Variants in FIBCD1 observed in about 807,000 individuals in gnomAD.
FIBCD1 encodes fibrinogen C domain-containing protein 1.
Under a neutral mutation model 45.1 loss-of-function variants are expected in FIBCD1, and 47 were observed. That is an observed-to-expected ratio of 1.04 (90% CI 0.82 to 1.33). The LOEUF (loss-of-function observed/expected upper bound fraction) is 1.33. FIBCD1 is among the 40% of genes most tolerant of loss of function. The pLI is 0.00. For missense variants in FIBCD1, 653 were observed against 682.2 expected (o/e 0.96, Z 0.48); for synonymous variants, 313 against 308.1 (o/e 1.02, Z -0.17).
At chr9:130,915,229 CCT>C (rs1832137429) in intron 4 of FIBCD1, among the ~76,000 whole-genome samples, 2 of 152,308 alleles carry the variant, frequency 1.3e-5, no homozygotes, top group South Asian at 4.1e-4. Flanking sequence ...TTCCCACTGC[CCT>C]CTCAGTCTGG....
At chr9:130,906,369 C>A (rs1831929085) in intron 5 of FIBCD1, among the ~76,000 whole-genome samples, 1 of 152,220 alleles carries the variant, frequency 6.6e-6, no homozygotes, top group South Asian at 2.1e-4. Context: ...CCTGCCTCTC[C>A]CCGGCTCCGC....
intron 4 of FIBCD1, among the ~76,000 whole-genome samples, chr9:130,914,659 C>T (rs1832125283): frequency 6.6e-6 from 1 of 152,222 alleles, no homozygotes; most frequent in East Asian, 1.9e-4. Flanking sequence ...AGAATGAGAG[C>T]AAGAAGCCCC....
chr9:130,924,721 T>A (rs1400796760), intron 2 of FIBCD1, among the ~76,000 whole-genome samples: 2 of 151,884 alleles, frequency 1.3e-5, no homozygotes, highest in Non-Finnish European at 2.9e-5. Flanking sequence ...CAGGGAAGAG[T>A]AAACTGGAGG....
intron 1 of FIBCD1, 130 bp from the exon 2 acceptor site, chr9:130,930,176 T>A: frequency 8.5e-7 from 1 of 1,171,664 alleles, no homozygotes; most frequent in Non-Finnish European, 1.2e-6. Flanking sequence ...GCACAGAGAC[T>A]GAGATGAGAC....
Position 130,924,237 on chromosome 9 carries a change from C to A in FIBCD1, c.712G>T (p.Gly238Cys). Residue 238 changes from glycine (G) to cysteine (C), a missense_variant and splice_region_variant, in exon 3 of 7, where the codon GGC becomes TGC. By Grantham distance (159) the Gly-to-Cys change is radical (BLOSUM62 -3). Coordinates refer to ENST00000372338, the MANE Select transcript of FIBCD1 (RefSeq NM_032843.5). ...RGTRPRGCAT[G>C]SRPRDCLDVL... is the part of the protein sequence containing the mutation. ...GGAAGGCAGGCCCTGCCCCACTCAC[C>A]AGTGGCACAGCCCCGGGGCCGGGTT... is the stretch of plus-strand genomic sequence containing the variant. 6.3e-7 allele frequency: 1 copy of A among 1,589,292 alleles called. No individual in the cohort carries two copies. The highest frequency in any genetic ancestry group is 8.6e-7 in the Non-Finnish European group (1 of 1,169,362).
intron 4 of FIBCD1, among the ~76,000 whole-genome samples, chr9:130,919,688 C>T (rs574509993): frequency 1.2e-4 from 18 of 152,300 alleles, no homozygotes; most frequent in African/African-American, 4.1e-4. Context: ...TGGCTGACCT[C>T]GCACAAAGGA....
intron 6 of FIBCD1, 146 bp from the exon 7 acceptor site, chr9:130,904,469 G>T: frequency 8.3e-7 from 1 of 1,198,226 alleles, no homozygotes; most frequent in Non-Finnish European, 1.1e-6. Context: ...ATACTGCTGT[G>T]CACGCGTGCA....
chr9:130,930,026 C>A lies in FIBCD1; in HGVS notation c.93G>T (p.Val31=). ...CCAGGGCCAGCAGCACGGTGCACAG[C>A]ACGTAGCCGCAGCTCGGCCGCTGCA... The part of the protein sequence containing the change: ...DKPQRPSCGY[V]LCTVLLALAV... The change falls in exon 2 of 7, where the codon GTG becomes GTT. Residue 31 remains valine (V), a synonymous_variant. Transcript: ENST00000372338. 6.6e-7 allele frequency: 1 copy of A among 1,505,122 alleles called. No individual in the cohort carries two copies. Among genetic ancestry groups the A allele is most frequent in the Admixed American group, 2.2e-5 (1 of 44,466 alleles). 93.2% of individuals were successfully genotyped at this position (1,505,122 alleles called of 1,614,324 possible). A position where few individuals can be genotyped will look rare whatever the true frequency, so the allele number is the denominator to read the frequency against.
chr9:130,911,591 T>G (rs994939084), intron 5 of FIBCD1, among the ~76,000 whole-genome samples: 1 of 152,236 alleles, frequency 6.6e-6, no homozygotes, highest in Non-Finnish European at 1.5e-5. Context: ...CCACCCACGC[T>G]GACACTTCCG....
intron 4 of FIBCD1, 105 bp downstream of exon 4, chr9:130,923,639 T>C (rs1000265589): frequency 2.0e-6 from 3 of 1,489,084 alleles, no homozygotes; most frequent in Middle Eastern, 2.4e-4. Flanking sequence ...CACAGATCCA[T>C]GGTGGAGGGC....
chr9:130,905,472 G>A (rs1040105323), intron 5 of FIBCD1, 59 bp from the exon 6 acceptor site: 1 of 1,518,766 alleles, frequency 6.6e-7, no homozygotes, highest in African/African-American at 1.4e-5. Flanking sequence ...GACTCCCCAG[G>A]GAGAAATGAT....
rs750387980 is a variant in FIBCD1, at chr9:130,923,887, G to C, written c.713-7C>G. ...CAGTCTCGGGGCCGGGAGCCTGAGG[G>C]AGGCAAGGCTGTCAGGGTGGCTGCG... is the stretch of plus-strand genomic sequence containing the variant. On this transcript the variant is annotated splice_polypyrimidine_tract_variant and splice_region_variant and intron_variant, in intron 3 of 6. Coordinates refer to ENST00000372338, the MANE Select transcript of FIBCD1 (RefSeq NM_032843.5). 6.2e-7 allele frequency: 1 copy of C among 1,612,198 alleles called. No individual in the cohort carries two copies. Among genetic ancestry groups the C allele is most frequent in the Admixed American group, 1.7e-5 (1 of 60,026 alleles).
chr9:130,921,840 T>C (rs939532904), intron 4 of FIBCD1, among the ~76,000 whole-genome samples: 4 of 152,230 alleles, frequency 2.6e-5, no homozygotes, highest in African/African-American at 9.6e-5. Context: ...GCAGCTCCAG[T>C]ACATTTTTAA....
intron 4 of FIBCD1, among the ~76,000 whole-genome samples, chr9:130,913,912 T>G (rs1832110959): frequency 6.6e-6 from 1 of 151,876 alleles, no homozygotes; most frequent in Non-Finnish European, 1.5e-5. Context: ...TGCTCAGTGG[T>G]GAAGGAGTTC....
chr9:130,915,576 G>A (rs1588107121), intron 4 of FIBCD1, among the ~76,000 whole-genome samples: 1 of 152,276 alleles, frequency 6.6e-6, no homozygotes, highest in African/African-American at 2.4e-5. Flanking sequence ...AGTGGCAGGT[G>A]CCTGTAGTCC....
chr9:130,914,163 G>T (rs1832115473), intron 4 of FIBCD1, among the ~76,000 whole-genome samples: 3 of 151,834 alleles, frequency 2.0e-5, no homozygotes, highest in Admixed American at 2.0e-4. Context: ...TGAGGCCCAG[G>T]CCTGGGCGAG....
At chr9:130,911,750 G>T (rs780755370) in intron 5 of FIBCD1, 42 bp downstream of exon 5, 4 of 1,545,490 alleles carry the variant, frequency 2.6e-6, no homozygotes, top group Non-Finnish European at 1.8e-6. Flanking sequence ...GAAGGCAGGG[G>T]GAGGAGGCCC....
chr9:130,921,248 G>A (rs1339803937), intron 4 of FIBCD1, among the ~76,000 whole-genome samples: 1 of 152,268 alleles, frequency 6.6e-6, no homozygotes, highest in Non-Finnish European at 1.5e-5. Flanking sequence ...TGGCGCTGAA[G>A]GCCTAGCAGT....
intron 1 of FIBCD1, among the ~76,000 whole-genome samples, chr9:130,930,948 C>G (rs1050770012): frequency 6.6e-6 from 1 of 152,152 alleles, no homozygotes; most frequent in Non-Finnish European, 1.5e-5. Flanking sequence ...AAGGTCCCTT[C>G]CAACTGCAGC....
Sources: allele counts gnomAD v4.1 joint callset (sites outside exome capture counted in the v4.1 genomes callset), GRCh38; gene constraint gnomAD v4.1.1; transcripts MANE v1.5; gene names NCBI Gene and HGNC (gene_info 2026-07-23, HGNC 2026-07-21).